NEGR1: variants seen among roughly 807,000 people sequenced by gnomAD.
The protein encoded by NEGR1 is neuronal growth regulator 1.
Under a neutral mutation model 40.9 loss-of-function variants are expected in NEGR1, and 10 were observed. The ratio of observed to expected loss-of-function variants is 0.24; its 90% CI spans 0.15 to 0.42. The LOEUF (loss-of-function observed/expected upper bound fraction) is 0.42. Among genes scored for constraint, NEGR1 ranks in the 10% least tolerant of loss-of-function variants. The pLI is 1.00. For synonymous variants in NEGR1, 185 were observed against 166.8 expected, an observed-to-expected ratio of 1.11 and a Z score of -0.84; for missense variants, 352 against 438.9, an observed-to-expected ratio of 0.80 and a Z score of 1.77.
chr1:71,453,822 C>A (rs1182106737), intron 6 of NEGR1, among the ~76,000 whole-genome samples: 1 of 152,164 alleles, frequency 6.6e-6, no homozygotes, highest in Non-Finnish European at 1.5e-5. Context: ...TGGTTCTGAG[C>A]AGATTGTTCA....
chr1:71,814,616 A>G (rs1269943155), intron 2 of NEGR1, among the ~76,000 whole-genome samples: 1 of 152,034 alleles, frequency 6.6e-6, no homozygotes, highest in Non-Finnish European at 1.5e-5. Flanking sequence ...TCAGGGATTC[A>G]ATTTCTTTCT....
intron 1 of NEGR1, among the ~76,000 whole-genome samples, chr1:71,975,165 C>T (rs1346390492): frequency 1.4e-4 from 21 of 152,074 alleles, no homozygotes; most frequent in Admixed American, 1.4e-3. Context: ...CAAATGCATT[C>T]CTATGGTAAG....
At position 71,404,589 on chromosome 1, in the gene NEGR1, C is replaced by CT. The variant is rs35441647; in HGVS notation, c.*2856dup. On this transcript the variant is annotated 3_prime_UTR_variant, in exon 7 of 7. Coordinates refer to ENST00000357731, the MANE Select transcript of NEGR1 (RefSeq NM_173808.3). ...CCTTCCTTCATTCCTTCCATCCTTC[C>CT]TTTTTTTCCCTCTTTACTGCCTTTC... 0.96 allele frequency: 143,550 copies of CT among 150,278 alleles called. 68,912 individuals are homozygous for CT. The highest frequency in any genetic ancestry group is 1 in the East Asian group (5,089 of 5,090). 9.3% of individuals were successfully genotyped at this position (150,278 alleles called of 1,614,324 possible).
intron 1 of NEGR1, among the ~76,000 whole-genome samples, chr1:72,170,924 G>A (rs1651940085): frequency 6.6e-6 from 1 of 152,116 alleles, no homozygotes; most frequent in African/African-American, 2.4e-5. Flanking sequence ...GTTAGTCTGT[G>A]CTCCTGGGCT....
At chr1:71,473,576 A>G (rs1646797401) in intron 6 of NEGR1, among the ~76,000 whole-genome samples, 1 of 152,130 alleles carries the variant, frequency 6.6e-6, no homozygotes, top group Non-Finnish European at 1.5e-5. Flanking sequence ...AAAGACCTTC[A>G]ACAGACCTCT....
chr1:72,163,349 T>C (rs1484610372), intron 1 of NEGR1, among the ~76,000 whole-genome samples: 3 of 152,176 alleles, frequency 2.0e-5, no homozygotes, highest in African/African-American at 7.2e-5. Flanking sequence ...AAAATCTTTT[T>C]ATTAACTACT....
intron 1 of NEGR1, among the ~76,000 whole-genome samples, chr1:72,196,944 A>C (rs575650505): frequency 6.6e-6 from 1 of 152,160 alleles, no homozygotes; most frequent in East Asian, 1.9e-4. Flanking sequence ...TACAGTGGCA[A>C]GTAGATTTAG....
chr1:71,944,966 C>A (rs962529776), intron 1 of NEGR1, among the ~76,000 whole-genome samples: 3 of 151,718 alleles, frequency 2.0e-5, no homozygotes, highest in Admixed American at 1.3e-4. Flanking sequence ...AAGGAGTATA[C>A]CCAAGAAGAA....
chr1:71,484,077 TA>T (rs1646871865), intron 6 of NEGR1, among the ~76,000 whole-genome samples: 3 of 151,742 alleles, frequency 2.0e-5, no homozygotes, highest in African/African-American at 7.3e-5. Context: ...ATATTCTACT[TA>T]TTTTACTTAA....
intron 3 of NEGR1, among the ~76,000 whole-genome samples, chr1:71,699,445 A>C (rs1293764779): frequency 6.6e-6 from 1 of 151,896 alleles, no homozygotes; most frequent in Non-Finnish European, 1.5e-5. Flanking sequence ...ACAGAAGGGA[A>C]ATGTAAAACT....
At chr1:71,782,633 T>C (rs1656757559) in intron 2 of NEGR1, among the ~76,000 whole-genome samples, 1 of 152,210 alleles carries the variant, frequency 6.6e-6, no homozygotes, top group Non-Finnish European at 1.5e-5. Context: ...ATACAGGTTA[T>C]TCAATAAATA....
Position 72,151,320 on chromosome 1 carries a change from T to C in NEGR1, c.176+130999A>G, listed in dbSNP as rs1031631160. Reference sequence around the variant, plus strand: ...ACTTATTTAATCTACATAATATATTTTAGGCATTATACTAATTTTAGGCAT... The same window carrying C: ...ACTTATTTAATCTACATAATATATTCTAGGCATTATACTAATTTTAGGCAT... On this transcript the variant is annotated intron_variant, in intron 1 of 6. Coordinates refer to ENST00000357731, the MANE Select transcript of NEGR1 (RefSeq NM_173808.3). 4.0e-5 allele frequency among the ~76,000 whole-genome samples: 6 copies of C among 151,474 alleles called. No homozygotes were observed. The South Asian group carries it at 1.2e-3, about 31-fold the overall frequency.
chr1:71,575,172 T>C (rs1278888592), intron 6 of NEGR1, among the ~76,000 whole-genome samples: 4 of 152,194 alleles, frequency 2.6e-5, no homozygotes, highest in African/African-American at 9.6e-5. Context: ...GAGGAGCTCA[T>C]ACACCCTACA....
At chr1:71,425,333 G>C (rs1391788020) in intron 6 of NEGR1, among the ~76,000 whole-genome samples, 3 of 152,092 alleles carry the variant, frequency 2.0e-5, no homozygotes, top group Admixed American at 2.0e-4. Flanking sequence ...TTGAGTTTTT[G>C]TTTAAACTGA....
intron 1 of NEGR1, among the ~76,000 whole-genome samples, chr1:72,279,558 T>C (rs933958216): frequency 6.6e-6 from 1 of 152,212 alleles, no homozygotes; most frequent in Non-Finnish European, 1.5e-5. Flanking sequence ...TCATGTATTT[T>C]GATGGGACAA....
At chr1:71,607,513 C>T (rs1449200583) in intron 5 of NEGR1, among the ~76,000 whole-genome samples, 3 of 152,094 alleles carry the variant, frequency 2.0e-5, no homozygotes, top group Non-Finnish European at 4.4e-5. Flanking sequence ...ACTGTATGAA[C>T]TTGTGCAAAT....
chr1:71,600,927 C>T lies in NEGR1; in HGVS notation c.789-7959G>A, dbSNP rs140758445. On this transcript the variant is annotated intron_variant, in intron 5 of 6. Transcript: ENST00000357731. ...CCCTTGATTCTAGTATGTTCCAAAC[C>T]GAACTGAGCGTGGTCCCTCCCTAAA... Among the ~76,000 whole-genome samples the T allele has an allele frequency of 4.2e-3, 638 of 152,254 alleles. 3 individuals are homozygous for T. The highest frequency in any genetic ancestry group is 0.014 in the African/African-American group (576 of 41,536).
At chr1:72,017,334 G>A (rs1001095093) in intron 1 of NEGR1, among the ~76,000 whole-genome samples, 4 of 151,922 alleles carry the variant, frequency 2.6e-5, no homozygotes, top group Admixed American at 6.6e-5. Flanking sequence ...TTTGCAGTAG[G>A]TGTCTTATAT....
chr1:72,208,748 A>G (rs894577778), intron 1 of NEGR1, among the ~76,000 whole-genome samples: 9 of 151,710 alleles, frequency 5.9e-5, no homozygotes, highest in African/African-American at 2.2e-4. Flanking sequence ...ATAATGCTGC[A>G]ATGATTTAAA....
Sources: allele counts gnomAD v4.1 joint callset (sites outside exome capture counted in the v4.1 genomes callset), GRCh38; gene constraint gnomAD v4.1.1; transcripts MANE v1.5; gene names NCBI Gene and HGNC (gene_info 2026-07-23, HGNC 2026-07-21).